DENND1A: variants seen among roughly 807,000 people sequenced by gnomAD.
The protein encoded by DENND1A is DENN domain-containing protein 1A.
A neutral mutation model predicts 113.7 loss-of-function variants in DENND1A; 51 were observed. That is an observed-to-expected ratio of 0.45 (90% CI 0.36 to 0.57). The LOEUF (loss-of-function observed/expected upper bound fraction) is 0.57, where lower values mean the gene tolerates loss of function less well. DENND1A is among the 20% of genes least tolerant of loss of function. The pLI is 0.00. For missense variants in DENND1A, 1,258 were observed against 1,395.9 expected (o/e 0.90, Z 1.57); for synonymous variants, 565 against 570.8 (o/e 0.99, Z 0.14).
At chr9:123,911,259 C>A (rs1853903139) in intron 1 of DENND1A, among the ~76,000 whole-genome samples, 1 of 152,030 alleles carries the variant, frequency 6.6e-6, no homozygotes. Flanking sequence ...AATAATATGG[C>A]TAAAAAAGAC....
At chr9:123,669,685 A>C (rs984017852) in intron 7 of DENND1A, among the ~76,000 whole-genome samples, 2 of 152,224 alleles carry the variant, frequency 1.3e-5, no homozygotes, top group African/African-American at 4.8e-5. Context: ...GCTTAGGAAA[A>C]AGGACAGAGA....
chr9:123,613,832 TG>T (rs1187713727), intron 10 of DENND1A, among the ~76,000 whole-genome samples: 1 of 152,208 alleles, frequency 6.6e-6, no homozygotes, highest in African/African-American at 2.4e-5. Flanking sequence ...AATAGCAGAA[TG>T]GGGTATATCT....
intron 5 of DENND1A, among the ~76,000 whole-genome samples, chr9:123,728,628 G>C (rs146837458): frequency 6.6e-6 from 1 of 151,794 alleles, no homozygotes; most frequent in Non-Finnish European, 1.5e-5. Flanking sequence ...CAAAATTTAT[G>C]TGGAAAAGCA....
At chr9:123,667,155 G>T in intron 7 of DENND1A, 76 bp from the exon 8 acceptor site, 2 of 1,389,536 alleles carry the variant, frequency 1.4e-6, no homozygotes, top group Non-Finnish European at 2.0e-6. Context: ...TCAGGTAAAT[G>T]ATTGGAAAAT....
chr9:123,911,292 T>C lies in DENND1A; in HGVS notation c.17+18597A>G, dbSNP rs373388382. Among the ~76,000 whole-genome samples, 350 of 152,280 alleles carry C rather than the reference T, an allele frequency of 2.3e-3. 3 individuals carry two copies. The highest frequency in any genetic ancestry group is 4.5e-3 in the Non-Finnish European group (304 of 68,022). ...GACTAACAATATAAAGTGTTGGATA[T>C]GAAACAAGTGGAACTGTCATATATA... is the stretch of plus-strand genomic sequence containing the variant. On this transcript the variant is annotated intron_variant, in intron 1 of 23. Transcript: ENST00000394215.
At chr9:123,918,417 G>A (rs1855614302) in intron 1 of DENND1A, among the ~76,000 whole-genome samples, 2 of 151,316 alleles carry the variant, frequency 1.3e-5, no homozygotes, top group South Asian at 2.1e-4. Context: ...GAACCCGGGA[G>A]GCGGAGCTTG....
chr9:123,607,649 C>T (rs1199475949), intron 11 of DENND1A, among the ~76,000 whole-genome samples: 4 of 148,818 alleles, frequency 2.7e-5, no homozygotes, highest in African/African-American at 9.9e-5. Context: ...ATCCAACTGG[C>T]ACTTTAAACT....
intron 5 of DENND1A, among the ~76,000 whole-genome samples, chr9:123,709,264 G>A (rs541580823): frequency 7.9e-5 from 12 of 152,056 alleles, no homozygotes; most frequent in Non-Finnish European, 1.2e-4. Context: ...TCCTACTCCC[G>A]ACCCAGGCCC....
chr9:123,821,287 T>C (rs559117149), intron 2 of DENND1A, among the ~76,000 whole-genome samples: 27 of 152,148 alleles, frequency 1.8e-4, no homozygotes, highest in Non-Finnish European at 3.2e-4. Context: ...TAACAGGAAA[T>C]ATCTGAGTGT....
intron 16 of DENND1A, 122 bp from the exon 17 acceptor site, chr9:123,452,469 A>C: frequency 1.3e-6 from 1 of 781,940 alleles, no homozygotes; most frequent in South Asian, 1.6e-5. Flanking sequence ...CACATCGAGA[A>C]ATAGGCCTGG....
intron 19 of DENND1A, among the ~76,000 whole-genome samples, chr9:123,433,149 T>G (rs988048491): frequency 1.3e-5 from 2 of 152,212 alleles, no homozygotes; most frequent in Admixed American, 6.5e-5. Context: ...AGGCAATATC[T>G]CATTTAATCC....
At chr9:123,658,732 A>G (rs776823057) in intron 8 of DENND1A, among the ~76,000 whole-genome samples, 2 of 152,210 alleles carry the variant, frequency 1.3e-5, no homozygotes, top group Admixed American at 6.5e-5. Context: ...CGTTCAGTCA[A>G]TAAATACATA....
intron 19 of DENND1A, among the ~76,000 whole-genome samples, chr9:123,427,599 C>G (rs184912117): frequency 1.1e-4 from 17 of 152,340 alleles, no homozygotes; most frequent in Admixed American, 9.8e-4. Context: ...AGGATCCCCA[C>G]AGGTCTGGTA....
chr9:123,650,473 C>G (rs1194196116), intron 9 of DENND1A, among the ~76,000 whole-genome samples: 3 of 152,152 alleles, frequency 2.0e-5, no homozygotes, highest in East Asian at 1.9e-4. Context: ...TTTCTACTCT[C>G]TCTAACAGAG....
rs774658427 is a variant in DENND1A, at chr9:123,457,366, T to C, written c.1168A>G (p.Asn390Asp). ...GFSDVFEEEI[N>D]MGEYAGSDKL... Reference sequence around the variant, plus strand: ...TTCTCACCAGCGTACTCGCCCATGTTGATTTCCTCTTCAAAAACATCACTG... The same window carrying C: ...TTCTCACCAGCGTACTCGCCCATGTCGATTTCCTCTTCAAAAACATCACTG... The change falls in exon 15 of 24, where the codon AAC (asparagine) becomes GAC (aspartate). Residue 390 changes from asparagine to aspartate, a missense_variant. Transcript: ENST00000394215. 6.2e-7 allele frequency: 1 copy of C among 1,614,090 alleles called. No homozygotes were observed. The highest frequency in any genetic ancestry group is 1.1e-5 in the South Asian group (1 of 91,086).
At chr9:123,516,565 A>T (rs998982355) in intron 13 of DENND1A, among the ~76,000 whole-genome samples, 9 of 152,132 alleles carry the variant, frequency 5.9e-5, no homozygotes, top group Non-Finnish European at 8.8e-5. Context: ...TGTAGTCAAG[A>T]GTGGCCATCT....
intron 2 of DENND1A, among the ~76,000 whole-genome samples, chr9:123,802,611 T>C (rs1263646642): frequency 3.3e-5 from 5 of 152,194 alleles, no homozygotes; most frequent in African/African-American, 1.2e-4. Flanking sequence ...TCTCCAACCA[T>C]GATCCACCTT....
intron 13 of DENND1A, among the ~76,000 whole-genome samples, chr9:123,547,035 G>T (rs753979904): frequency 6.6e-6 from 1 of 152,180 alleles, no homozygotes; most frequent in Non-Finnish European, 1.5e-5. Context: ...CTAGAACAAT[G>T]GTTCCCAGTT....
intron 13 of DENND1A, among the ~76,000 whole-genome samples, chr9:123,541,357 T>A (rs1325769978): frequency 6.6e-6 from 1 of 152,214 alleles, no homozygotes; most frequent in East Asian, 1.9e-4. Flanking sequence ...TTCTTTTGCA[T>A]AAACACTTAT....
Sources: gnomAD v4.1 joint callset for allele counts (sites outside exome capture counted in the v4.1 genomes callset) on GRCh38, gnomAD v4.1.1 for gene constraint, MANE v1.5 for transcripts, NCBI Gene and HGNC (gene_info 2026-07-23, HGNC 2026-07-21) for gene names.